The following DMXL1 variants were observed in gnomAD, a reference collection of about 807,000 sequenced individuals.
The protein encoded by DMXL1 is Dmx like 1, also known as dmX-like protein 1.
A neutral mutation model predicts 319.2 loss-of-function variants in DMXL1; 99 were observed. That is an observed-to-expected ratio of 0.31 (90% confidence interval 0.26 to 0.37). The LOEUF (loss-of-function observed/expected upper bound fraction) is 0.37, where lower values mean the gene tolerates loss of function less well. DMXL1 is among the 10% of genes least tolerant of loss of function. The pLI is 1.00. For synonymous variants in DMXL1, 1,385 were observed against 1,235.2 expected, an observed-to-expected ratio of 1.12 and a Z score of -2.54; for missense variants, 3,745 against 3,595.6, an observed-to-expected ratio of 1.04 and a Z score of -1.06.
chr5:119,244,329 GTT>G (rs758819605), intron 42 of DMXL1, 28 bp from the exon 43 acceptor site: 15 of 1,546,352 alleles, frequency 9.7e-6, no homozygotes, highest in Middle Eastern at 2.1e-4. Context: ...ATTGTTAAGT[GTT>G]TTTGTTTTTT....
chr5:119,144,393 G>T (rs890459435), intron 14 of DMXL1, 143 bp from the exon 15 acceptor site: 1 of 593,712 alleles, frequency 1.7e-6, no homozygotes, highest in Non-Finnish European at 3.0e-6. Flanking sequence ...TCTAATGGAG[G>T]TGCCATACGC....
chr5:119,144,508 ACTT>A, intron 14 of DMXL1, 25 bp from the exon 15 acceptor site: 3 of 1,499,160 alleles, frequency 2.0e-6, no homozygotes, highest in Non-Finnish European at 2.7e-6. Context: ...ACATAGGTCA[ACTT>A]ACGTTGATAT....
In DMXL1 at chr5:119,134,342, A is replaced by G; in HGVS notation, c.2329A>G (p.Ile777Val). The change falls in exon 13 of 44, where the codon ATT (isoleucine) becomes GTT (valine). Residue 777 changes from isoleucine (I) to valine (V), a missense_variant. By Grantham distance (29) the Ile-to-Val change is conservative. Coordinates refer to ENST00000539542, the MANE Select transcript of DMXL1 (RefSeq NM_001290321.3). Reference sequence around the variant, plus strand: ...ATATCTGAGATTATATGAAGCAGTTATTGATGCTAAGAAACTTTTATCTGA... The same window carrying G: ...ATATCTGAGATTATATGAAGCAGTTGTTGATGCTAAGAAACTTTTATCTGA... Reference protein sequence around the residue: ...GQYLRLYEAVIDAKKLLSELS... With the variant: ...GQYLRLYEAVVDAKKLLSELS... 1 of 1,613,756 alleles carries G rather than the reference A, an allele frequency of 6.2e-7. No individual in the cohort carries two copies. The highest frequency in any genetic ancestry group is 8.5e-7 in the Non-Finnish European group (1 of 1,179,874).
rs979024358 is a variant in DMXL1 at position 119,147,285 on chromosome 5, G to T, written c.2726G>T (p.Trp909Leu). The change falls in exon 17 of 44, where the codon TGG (tryptophan) becomes TTG (leucine). Residue 909 changes from tryptophan (W) to leucine (L), a missense_variant. By Grantham distance (61) the Trp-to-Leu change is moderately conservative. Coordinates refer to ENST00000539542, the MANE Select transcript of DMXL1 (RefSeq NM_001290321.3). ...KVDTKLSEAV[W>L]QPEEHYSSSP... ...GATACAAAATTATCCGAAGCGGTTTGGCAGCCAGAAGAACATTATTCTTCT... is the reference window on the plus strand; with the variant it reads ...GATACAAAATTATCCGAAGCGGTTTTGCAGCCAGAAGAACATTATTCTTCT... 1.9e-5 allele frequency: 30 copies of T among 1,613,218 alleles called. No individual in the cohort carries two copies. Among genetic ancestry groups the T allele is most frequent in the Non-Finnish European group, 2.3e-5 (27 of 1,179,628 alleles).
At chr5:119,138,490 A>C (rs1766541175) in intron 13 of DMXL1, among the ~76,000 whole-genome samples, 1 of 152,152 alleles carries the variant, frequency 6.6e-6, no homozygotes, top group Non-Finnish European at 1.5e-5. Context: ...TCAGCATATA[A>C]ATTTGAAGTT....
chr5:119,084,705 A>G (rs1752951936), intron 1 of DMXL1, among the ~76,000 whole-genome samples: 1 of 151,916 alleles, frequency 6.6e-6, no homozygotes, highest in Admixed American at 6.6e-5. Context: ...ATCTCTACTA[A>G]AAATACAAAA....
chr5:119,167,878 C>G lies in DMXL1; in HGVS notation c.5398+14C>G, dbSNP rs766142262. The G allele has an allele frequency of 6.2e-7, 1 of 1,604,410 alleles. No individual in the cohort carries two copies. Among genetic ancestry groups the G allele is most frequent in the Non-Finnish European group, 8.5e-7 (1 of 1,177,124 alleles). On this transcript the variant is annotated intron_variant, in intron 23 of 43. Coordinates refer to ENST00000539542, the MANE Select transcript of DMXL1 (RefSeq NM_001290321.3). ...GAGAGAATGATGGTAAGCTGCACTT[C>G]TAAGATGTTAATGATTAAGAATATT...
At chr5:119,079,582 A>G (rs566973659) in intron 1 of DMXL1, among the ~76,000 whole-genome samples, 4 of 152,256 alleles carry the variant, frequency 2.6e-5, no homozygotes, top group Admixed American at 2.6e-4. Context: ...TTAACTCACT[A>G]TACTTTGGCA....
intron 2 of DMXL1, among the ~76,000 whole-genome samples, chr5:119,098,503 A>G (rs1051234147): frequency 6.6e-6 from 1 of 152,246 alleles, no homozygotes; most frequent in Admixed American, 6.5e-5. Flanking sequence ...CTTCTATGTA[A>G]CAAGGGCTGT....
At chr5:119,240,764 C>G (rs1788625727) in intron 42 of DMXL1, among the ~76,000 whole-genome samples, 1 of 152,096 alleles carries the variant, frequency 6.6e-6, no homozygotes, top group Non-Finnish European at 1.5e-5. Flanking sequence ...ATATTATGTC[C>G]CCTCTTACCA....
chr5:119,116,477 C>T (rs939385717), intron 7 of DMXL1, 141 bp downstream of exon 7: 6 of 889,938 alleles, frequency 6.7e-6, no homozygotes, highest in Admixed American at 5.3e-5. Context: ...TCGTCTCTGG[C>T]CTGCACATCT....
chr5:119,224,084 C>T (rs997918640), intron 37 of DMXL1, among the ~76,000 whole-genome samples: 3 of 152,086 alleles, frequency 2.0e-5, no homozygotes, highest in African/African-American at 7.2e-5. Context: ...TCCCTACCAA[C>T]TCCCCACCTT....
intron 38 of DMXL1, among the ~76,000 whole-genome samples, chr5:119,232,857 A>G (rs752772554): frequency 8.6e-5 from 13 of 151,838 alleles, no homozygotes; most frequent in Non-Finnish European, 1.3e-4. Context: ...CAGATAACAT[A>G]TATTTGAGAT....
At chr5:119,178,697 T>C (rs1366778103) in intron 28 of DMXL1, 1 of 975,998 alleles carries the variant, frequency 1.0e-6, no homozygotes, top group Non-Finnish European at 1.2e-6. Context: ...AGGCAAGATA[T>C]GAGCTTTAGA....
At chr5:119,129,098 A>AAG (rs926412612) in intron 9 of DMXL1, 113 bp from the exon 10 acceptor site, 2 of 682,358 alleles carry the variant, frequency 2.9e-6, no homozygotes, top group Non-Finnish European at 4.8e-6. Flanking sequence ...AGTGAAAGAG[A>AAG]AGGACTTTCA....
Position 119,189,801 on chromosome 5 carries a change from C to T in DMXL1, c.7229C>T (p.Ser2410Leu), listed in dbSNP as rs547578542. The change falls in exon 29 of 44, where the codon TCG becomes TTG. Residue 2410 changes from serine (S) to leucine (L), a missense_variant. Transcript: ENST00000539542. ...GAATCTGCCCCACTGACCCCTTCCT[C>T]GGCACCAGTAAGCCAGGAGTCACTG... The part of the protein sequence containing the change: ...CRESAPLTPS[S>L]APVSQESLAV... 86 of 1,614,126 alleles carry T rather than the reference C, an allele frequency of 5.3e-5. No homozygotes were observed. The South Asian group carries it at 8.7e-4, about 16-fold the overall frequency.
intron 38 of DMXL1, among the ~76,000 whole-genome samples, chr5:119,228,807 T>C (rs935444754): frequency 2.6e-5 from 4 of 152,130 alleles, no homozygotes; most frequent in Non-Finnish European, 5.9e-5. Flanking sequence ...TGGAAAAATA[T>C]TTAACCAGAG....
rs561696678 is a variant in DMXL1, at chr5:119,224,238, T to C, written c.8278-471T>C. Among the ~76,000 whole-genome samples the C allele has an allele frequency of 7.2e-5, 11 of 152,264 alleles. No individual in the cohort carries two copies. The South Asian group carries it at 2.3e-3, about 32-fold the overall frequency. ...TAAATTGGAAATGTTCTATAAATTT[T>C]TCCTTTAATTTTATGTGTTTGTTTT... On this transcript the variant is annotated intron_variant, in intron 37 of 43. Coordinates refer to ENST00000539542, the MANE Select transcript of DMXL1 (RefSeq NM_001290321.3).
chr5:119,121,959 T>A (rs1276202866), intron 9 of DMXL1, among the ~76,000 whole-genome samples: 3 of 76,078 alleles, frequency 3.9e-5, no homozygotes, highest in Non-Finnish European at 5.3e-5. Context: ...CCGGGCAGAG[T>A]GGCTCCTCAC....
Sources: gnomAD v4.1 joint callset for allele counts (sites outside exome capture counted in the v4.1 genomes callset) on GRCh38, gnomAD v4.1.1 for gene constraint, MANE v1.5 for transcripts, NCBI Gene and HGNC (gene_info 2026-07-23, HGNC 2026-07-21) for gene names.